Variants in DMBX1 observed in about 807,000 individuals in gnomAD.
DMBX1 encodes the protein diencephalon/mesencephalon homeobox protein 1.
Under a neutral mutation model 30.4 loss-of-function variants are expected in DMBX1, and 7 were observed. The observed-to-expected ratio is 0.23, with a 90% CI of 0.13 to 0.43. The LOEUF is 0.43. Among genes scored for constraint, DMBX1 ranks in the 20% least tolerant of loss-of-function variants. DMBX1 has a pLI of 1.00. For synonymous variants in DMBX1, 222 were observed against 214.2 expected, an observed-to-expected ratio of 1.04 and a Z score of -0.32; for missense variants, 460 against 508.5, an observed-to-expected ratio of 0.90 and a Z score of 0.92.
At chr1:46,503,109 C>A (rs758539606) in intron 2 of DMBX1, among the ~76,000 whole-genome samples, 2 of 152,188 alleles carry the variant, frequency 1.3e-5, no homozygotes. Context: ...TCCAGCCACC[C>A]TGGTTTTCTT....
rs1665969127 is a variant in DMBX1 at position 46,493,469 on chromosome 1, C to T, written c.-13+2686C>T. On this transcript the variant is annotated intron_variant, in intron 2 of 5. Transcript: ENST00000360032. The surrounding 1 kb of genome is among the most constrained non-coding windows in gnomAD (Gnocchi z 4.1). ...CTTATTTGACTCTGCCCCAGTGTTG[C>T]CTGATGGGTGGACATCCCAGATTGG... Among the ~76,000 whole-genome samples, 1 of 152,254 alleles carries T rather than the reference C, an allele frequency of 6.6e-6. No individual in the cohort carries two copies. The highest frequency in any genetic ancestry group is 6.5e-5 in the Admixed American group (1 of 15,288).
At position 46,510,954 on chromosome 1, in the gene DMBX1, G is replaced by A. The variant is rs1263612912; in HGVS notation, c.353G>A (p.Arg118Gln). The A allele has an allele frequency of 3.1e-6, 5 of 1,607,100 alleles. No individual in the cohort carries two copies. The highest frequency in any genetic ancestry group is 4.3e-6 in the Non-Finnish European group (5 of 1,176,068). The part of the protein sequence containing the change: ...ARVQVWFKNR[R>Q]AKFRKKQRSL... Reference sequence around the variant, plus strand: ...CCCCAGGTGTGGTTCAAGAACCGCCGGGCCAAGTTCCGGAAGAAGCAGCGT... The same window carrying A: ...CCCCAGGTGTGGTTCAAGAACCGCCAGGCCAAGTTCCGGAAGAAGCAGCGT... Residue 118 changes from arginine to glutamine, a missense_variant, in exon 5 of 6, where the codon CGG becomes CAG. Coordinates refer to ENST00000360032, the MANE Select transcript of DMBX1 (RefSeq NM_172225.2). The surrounding 1 kb of genome is among the most constrained non-coding windows in gnomAD (Gnocchi z 4.1).
At chr1:46,509,621 T>C (rs1181208894) in intron 3 of DMBX1, among the ~76,000 whole-genome samples, 1 of 152,120 alleles carries the variant, frequency 6.6e-6, no homozygotes, top group African/African-American at 2.4e-5. Context: ...ACACCTATCC[T>C]GGGTGGTTAT....
intron 2 of DMBX1, among the ~76,000 whole-genome samples, chr1:46,492,605 C>T (rs901486245): frequency 2.0e-5 from 3 of 152,120 alleles, no homozygotes; most frequent in Admixed American, 6.5e-5. Flanking sequence ...GAGGCGCAGT[C>T]CCCTATGTCT....
At chr1:46,507,288 G>A (rs1299879987) in intron 3 of DMBX1, 124 bp downstream of exon 3, 1 of 1,252,188 alleles carries the variant, frequency 8.0e-7, no homozygotes, top group African/African-American at 1.5e-5. Context: ...AAAGACTCAG[G>A]TCACTTAGCA....
chr1:46,511,954 G>A, intron 5 of DMBX1, 89 bp from the exon 6 acceptor site: 2 of 1,313,896 alleles, frequency 1.5e-6, no homozygotes, highest in East Asian at 2.3e-5. Flanking sequence ...TGTCTATAGT[G>A]CCAAGGAGGT....
chr1:46,499,719 G>A (rs1416672114), intron 2 of DMBX1, among the ~76,000 whole-genome samples: 1 of 152,190 alleles, frequency 6.6e-6, no homozygotes, highest in Non-Finnish European at 1.5e-5. Context: ...TGGGCTGGGG[G>A]CGGGGTGGGT....
In DMBX1 at chr1:46,512,494, ACTGT is replaced by A. The variant is rs770413863; in HGVS notation, c.*4_*7del. 2.5e-5 allele frequency: 40 copies of A among 1,604,228 alleles called. No homozygotes were observed. Among genetic ancestry groups the A allele is most frequent in the African/African-American group, 1.6e-4 (12 of 74,722 alleles). On this transcript the variant is annotated 3_prime_UTR_variant, in exon 6 of 6. Transcript: ENST00000360032. This position sits in a 1 kb window ranked among gnomAD's most constrained non-coding sequence, Gnocchi z 4.8. Reference sequence around the variant, plus strand: ...TGGGACTCGATACGCTGCCCAACTGACTGTCTGGCTTCCAACCCAGCCAGGGGTC... The same window carrying A: ...TGGGACTCGATACGCTGCCCAACTGACTGGCTTCCAACCCAGCCAGGGGTC...
At chr1:46,498,522 G>A (rs1318918893) in intron 2 of DMBX1, among the ~76,000 whole-genome samples, 1 of 151,776 alleles carries the variant, frequency 6.6e-6, no homozygotes, top group Non-Finnish European at 1.5e-5. Context: ...GTTCAGGGGT[G>A]GAAGAGCCAC....
At chr1:46,506,855 C>T (rs80220764) in intron 2 of DMBX1, 144 bp from the exon 3 acceptor site, 6 of 871,648 alleles carry the variant, frequency 6.9e-6, no homozygotes, top group South Asian at 1.7e-5. Flanking sequence ...CGGTAAGCCA[C>T]GGGCAAGACA....
chr1:46,502,247 A>G (rs1666150630), intron 2 of DMBX1, among the ~76,000 whole-genome samples: 1 of 152,170 alleles, frequency 6.6e-6, no homozygotes, highest in Non-Finnish European at 1.5e-5. Flanking sequence ...TGTCCCCCAA[A>G]ACCTTGGTTT....
In DMBX1 at chr1:46,511,132, T is replaced by C. The variant is rs1666361076; in HGVS notation, c.531T>C (p.Ser177=). Residue 177 remains serine (S), a synonymous_variant, in exon 5 of 6, where the codon AGT becomes AGC. Transcript: ENST00000360032. ...GSDPPAELHL[S]LSEQSASESA... The stretch of plus-strand genomic sequence containing the variant: ...ACCCCCCTGCTGAGCTTCACCTGAG[T>C]CTGTCTGAGCAGTCAGCCAGTGAGT... 2 of 1,613,776 alleles carry C rather than the reference T, an allele frequency of 1.2e-6. No homozygotes were observed. Among genetic ancestry groups the C allele is most frequent in the African/African-American group, 1.3e-5 (1 of 74,896 alleles).
intron 2 of DMBX1, among the ~76,000 whole-genome samples, chr1:46,495,454 C>T (rs538666140): frequency 4.6e-5 from 7 of 152,282 alleles, no homozygotes; most frequent in African/African-American, 1.7e-4. Flanking sequence ...AGTGATTTTA[C>T]TTCTCTGGGT....
rs374155162 is a variant in DMBX1, at chr1:46,513,075, A to G, written c.*581A>G. 35 of 152,446 alleles carry G rather than the reference A, an allele frequency of 2.3e-4. 4 individuals carry two copies. The highest frequency in any genetic ancestry group is 8.5e-4 in the African/African-American group (35 of 41,088). 9.4% of individuals were successfully genotyped at this position (152,446 alleles called of 1,614,324 possible). On this transcript the variant is annotated 3_prime_UTR_variant, in exon 6 of 6. Coordinates refer to ENST00000360032, the MANE Select transcript of DMBX1 (RefSeq NM_172225.2). ...GCCCCCGTCTCGGCCCAGCCTCTGT[A>G]TTCTCCACCCTTGATCTTTCTCCTT...
intron 3 of DMBX1, among the ~76,000 whole-genome samples, chr1:46,509,590 C>A (rs1666312425): frequency 6.6e-6 from 1 of 152,158 alleles, no homozygotes; most frequent in African/African-American, 2.4e-5. Flanking sequence ...AGGATGGAGG[C>A]TAGACCTCGG....
At chr1:46,507,487 T>A (rs1214890193) in intron 3 of DMBX1, among the ~76,000 whole-genome samples, 1 of 151,558 alleles carries the variant, frequency 6.6e-6, no homozygotes, top group Admixed American at 6.6e-5. Context: ...TAGTCCAGAG[T>A]ATTATGGCTG....
chr1:46,509,293 C>T lies in DMBX1; in HGVS notation c.155-1183C>T, dbSNP rs947400863. ...TTCATAATGTTGGCCAGGCTGGTCT[C>T]GAACTCCTGACCTCAGGTAATCCAC... is the stretch of plus-strand genomic sequence containing the variant. On this transcript the variant is annotated intron_variant, in intron 3 of 5. Coordinates refer to ENST00000360032, the MANE Select transcript of DMBX1 (RefSeq NM_172225.2). Among the ~76,000 whole-genome samples the T allele has an allele frequency of 5.9e-5, 9 of 152,098 alleles. No homozygotes were observed. In the South Asian group the frequency reaches 6.2e-4, roughly 11 times the overall value.
At position 46,498,278 on chromosome 1, in the gene DMBX1, C is replaced by T. The variant is rs552137342; in HGVS notation, c.-13+7495C>T. Among the ~76,000 whole-genome samples the T allele has an allele frequency of 6.6e-5, 10 of 152,298 alleles. No individual in the cohort carries two copies. In the East Asian group the frequency reaches 9.7e-4, roughly 15 times the overall value. ...AGGACTCTGGGTCTCCATTTCCTCC[C>T]GTGGACCATCCTGGGCTGTGGTGGT... is the stretch of plus-strand genomic sequence containing the variant. On this transcript the variant is annotated intron_variant, in intron 2 of 5. Coordinates refer to ENST00000360032, the MANE Select transcript of DMBX1 (RefSeq NM_172225.2).
Position 46,512,553 on chromosome 1 carries a change from T to C in DMBX1, c.*59T>C, listed in dbSNP as rs1357002569. On this transcript the variant is annotated 3_prime_UTR_variant, in exon 6 of 6. Coordinates refer to ENST00000360032, the MANE Select transcript of DMBX1 (RefSeq NM_172225.2). The surrounding 1 kb of genome is among the most constrained non-coding windows in gnomAD (Gnocchi z 4.8). ...GTGTCCCCTCCTAGCCCTGTGGTTA[T>C]CCCTAGGTGGCTCTCGAGGAGTTAA... The C allele has an allele frequency of 5.9e-6, 9 of 1,534,364 alleles. No homozygotes were observed. In the Admixed American group the frequency reaches 1.7e-4, roughly 29 times the overall value.
Sources: gnomAD v4.1 joint callset for allele counts (sites outside exome capture counted in the v4.1 genomes callset) on GRCh38, gnomAD v4.1.1 for gene constraint, Gnocchi (gnomAD v3.1) non-coding constraint, MANE v1.5 for transcripts, NCBI Gene and HGNC (gene_info 2026-07-23, HGNC 2026-07-21) for gene names.